Variants in ERICH6B observed in about 807,000 individuals in gnomAD.
The protein encoded by ERICH6B is glutamate rich 6B, also known as glutamate-rich protein 6B.
A neutral mutation model predicts 80.0 loss-of-function variants in ERICH6B; 69 were observed. That is an observed-to-expected ratio of 0.86 (90% CI 0.71 to 1.05). The LOEUF (loss-of-function observed/expected upper bound fraction) is 1.05, where lower values mean the gene tolerates loss of function less well. Among genes scored for constraint, ERICH6B ranks in the 50% least tolerant of loss-of-function variants. The pLI is 0.00. For synonymous variants in ERICH6B, 283 were observed against 291.9 expected (o/e 0.97, Z 0.31); for missense variants, 754 against 796.1 (o/e 0.95, Z 0.64).
intron 1 of ERICH6B, among the ~76,000 whole-genome samples, chr13:45,613,601 A>C (rs1322947864): frequency 6.6e-6 from 1 of 152,144 alleles, no homozygotes; most frequent in Non-Finnish European, 1.5e-5. Flanking sequence ...TGGACTGGGG[A>C]TCTTCTATGG....
chr13:45,566,687 A>G (rs78655742), intron 9 of ERICH6B, among the ~76,000 whole-genome samples: 2,818 of 152,370 alleles, frequency 0.018, 92 homozygotes, highest in African/African-American at 0.064. Context: ...GTATGGAAAC[A>G]TCTGGATGCC....
At chr13:45,586,350 T>A (rs552595062) in intron 5 of ERICH6B, among the ~76,000 whole-genome samples, 85 of 152,136 alleles carry the variant, frequency 5.6e-4, no homozygotes, top group Non-Finnish European at 1.0e-3. Context: ...TGACTACAGA[T>A]GTGAAATAAA....
intron 2 of ERICH6B, 42 bp from the exon 3 acceptor site, chr13:45,597,105 G>A (rs1184706800): frequency 1.8e-5 from 23 of 1,287,936 alleles, no homozygotes; most frequent in Non-Finnish European, 2.4e-5. Context: ...GCCAGTAATA[G>A]CAAATGCATA....
rs1435706404 is a variant in ERICH6B at position 45,550,307 on chromosome 13, C to G, written c.1417G>C (p.Gly473Arg). The G allele has an allele frequency of 1.9e-6, 3 of 1,551,226 alleles. No individual in the cohort carries two copies. Among genetic ancestry groups the G allele is most frequent in the Non-Finnish European group, 2.6e-6 (3 of 1,146,704 alleles). Residue 473 changes from glycine (G) to arginine (R), a missense_variant, in exon 12 of 15, where the codon GGT (glycine) becomes CGT (arginine). Coordinates refer to ENST00000298738, the MANE Select transcript of ERICH6B (RefSeq NM_182542.3). ...WIQKKTVVHQ[G>R]DGKLILYPNK... is the part of the protein sequence containing the mutation. ...GGGTAGAGAATTAATTTTCCATCAC[C>G]TTGATGCACCTGGGAAGAAAAGACA...
chr13:45,598,681 A>C (rs532162560), intron 2 of ERICH6B, among the ~76,000 whole-genome samples: 1 of 152,242 alleles, frequency 6.6e-6, no homozygotes, highest in East Asian at 1.9e-4. Flanking sequence ...GCTGGATTCC[A>C]ATAGGGTTAG....
At chr13:45,596,255 G>A in intron 3 of ERICH6B, 114 bp downstream of exon 3, 1 of 1,295,180 alleles carries the variant, frequency 7.7e-7, no homozygotes, top group Non-Finnish European at 1.0e-6. Flanking sequence ...ACCATCCTTT[G>A]GGATGCCCTC....
chr13:45,565,217 C>T (rs1874861729), intron 9 of ERICH6B, among the ~76,000 whole-genome samples: 1 of 152,072 alleles, frequency 6.6e-6, no homozygotes, highest in Non-Finnish European at 1.5e-5. Context: ...GGTCTCTTGC[C>T]CCATGCCTCT....
intron 4 of ERICH6B, among the ~76,000 whole-genome samples, chr13:45,587,605 T>C (rs1593321061): frequency 6.6e-6 from 1 of 152,214 alleles, no homozygotes; most frequent in Non-Finnish European, 1.5e-5. Context: ...GTGGAAAAGA[T>C]ACTGAATTAG....
At chr13:45,601,930 G>A (rs1949829871) in intron 2 of ERICH6B, among the ~76,000 whole-genome samples, 1 of 152,218 alleles carries the variant, frequency 6.6e-6, no homozygotes, top group Non-Finnish European at 1.5e-5. Flanking sequence ...ACAGGCATAA[G>A]GAGTGTCAGG....
At chr13:45,609,872 A>T (rs561120284) in intron 1 of ERICH6B, among the ~76,000 whole-genome samples, 1 of 152,370 alleles carries the variant, frequency 6.6e-6, no homozygotes, top group African/African-American at 2.4e-5. Flanking sequence ...ACAGTGAGAA[A>T]ATCATGGGAG....
At chr13:45,560,704 A>T (rs1400395616) in intron 11 of ERICH6B, among the ~76,000 whole-genome samples, 1 of 152,224 alleles carries the variant, frequency 6.6e-6, no homozygotes, top group Non-Finnish European at 1.5e-5. Flanking sequence ...TATAGTAGGT[A>T]TCATAATATG....
chr13:45,568,652 G>C (rs1875025921), intron 8 of ERICH6B, among the ~76,000 whole-genome samples: 1 of 152,120 alleles, frequency 6.6e-6, no homozygotes, highest in South Asian at 2.1e-4. Context: ...CTAGGTGATG[G>C]GCTGATCTGT....
intron 7 of ERICH6B, among the ~76,000 whole-genome samples, chr13:45,576,823 A>G (rs1875426159): frequency 6.6e-6 from 1 of 152,224 alleles, no homozygotes. Flanking sequence ...GCTCAGAAAC[A>G]TTCGAGTCAA....
chr13:45,602,787 C>A (rs906654057), intron 2 of ERICH6B, among the ~76,000 whole-genome samples: 1 of 152,212 alleles, frequency 6.6e-6, no homozygotes, highest in Admixed American at 6.5e-5. Flanking sequence ...CTCATCTCTT[C>A]TCATCCCTCC....
intron 5 of ERICH6B, 101 bp from the exon 6 acceptor site, chr13:45,580,766 C>G (rs1324118566): frequency 1.1e-5 from 14 of 1,225,082 alleles, no homozygotes; most frequent in South Asian, 2.7e-5. Context: ...TTCTTGGCAC[C>G]CAAGGCTGGT....
chr13:45,604,460 T>G (rs1949845705), intron 2 of ERICH6B, among the ~76,000 whole-genome samples: 1 of 152,184 alleles, frequency 6.6e-6, no homozygotes, highest in African/African-American at 2.4e-5. Context: ...AGGTTCTGTG[T>G]GGCCAGAACT....
chr13:45,543,817 T>C (rs941745351), intron 14 of ERICH6B, among the ~76,000 whole-genome samples: 3 of 152,158 alleles, frequency 2.0e-5, no homozygotes, highest in African/African-American at 7.2e-5. Context: ...GGGGATCATC[T>C]GTCTAGAGAA....
At chr13:45,609,033 T>A (rs2138039572) in intron 1 of ERICH6B, among the ~76,000 whole-genome samples, 1 of 152,384 alleles carries the variant, frequency 6.6e-6, no homozygotes, top group East Asian at 1.9e-4. Flanking sequence ...CCGTTCTTCC[T>A]GCTACCACCA....
At chr13:45,602,917 T>G (rs527868511) in intron 2 of ERICH6B, among the ~76,000 whole-genome samples, 1 of 152,270 alleles carries the variant, frequency 6.6e-6, no homozygotes, top group African/African-American at 2.4e-5. Context: ...GAAATGTAAG[T>G]GGATATTTAT....
Sources: allele counts gnomAD v4.1 joint callset (sites outside exome capture counted in the v4.1 genomes callset), GRCh38; gene constraint gnomAD v4.1.1; transcripts MANE v1.5; gene names NCBI Gene and HGNC (gene_info 2026-07-23, HGNC 2026-07-21).